MAP7: variants seen among roughly 807,000 people sequenced by gnomAD.
MAP7 encodes the protein ensconsin.
A neutral mutation model predicts 94.8 loss-of-function variants in MAP7; 52 were observed. That is an observed-to-expected ratio of 0.55 (90% CI 0.44 to 0.69). The LOEUF (loss-of-function observed/expected upper bound fraction) is 0.69. Among genes scored for constraint, MAP7 ranks in the 30% least tolerant of loss-of-function variants. MAP7 has a pLI of 0.00. For missense variants in MAP7, 940 were observed against 964.6 expected (o/e 0.97, Z 0.34); for synonymous variants, 350 against 357.0 (o/e 0.98, Z 0.22).
chr6:136,437,171 G>T (rs1181915689), intron 1 of MAP7, among the ~76,000 whole-genome samples: 1 of 152,176 alleles, frequency 6.6e-6, no homozygotes. Context: ...TGAAGCAGGC[G>T]TGAAGGTGGC....
intron 9 of MAP7, 96 bp from the exon 10 acceptor site, chr6:136,366,114 T>A: frequency 7.7e-7 from 1 of 1,301,872 alleles, no homozygotes; most frequent in Non-Finnish European, 1.0e-6. Context: ...ATGCAGATAT[T>A]TAGCTCCGTG....
chr6:136,414,808 ATTTTTTTTT>A lies in MAP7; in HGVS notation c.167-3120_167-3112del, dbSNP rs550449278. On this transcript the variant is annotated intron_variant, in intron 2 of 17. Transcript: ENST00000354570. Reference sequence around the variant, plus strand: ...AGGTGTGCACAACCACAATCAGCTAATTTTTTTTTTTTTTTTTTTTGAGACAGAGTTTCC... The same window carrying A: ...AGGTGTGCACAACCACAATCAGCTAATTTTTTTTTTTGAGACAGAGTTTCC... Among the ~76,000 whole-genome samples the A allele has an allele frequency of 1.7e-4, 21 of 123,268 alleles. No homozygotes were observed. In the East Asian group the frequency reaches 2.3e-3, roughly 13 times the overall value. The allele number at this position is 123,268 out of a possible 152,430, so 80.9% of individuals were successfully genotyped here. A position where few individuals can be genotyped will look rare whatever the true frequency, so the allele number is the denominator to read the frequency against.
At chr6:136,474,036 T>C (rs1023782970) in intron 1 of MAP7, among the ~76,000 whole-genome samples, 9 of 152,038 alleles carry the variant, frequency 5.9e-5, no homozygotes, top group Non-Finnish European at 1.3e-4. Context: ...GAAGTAGCAG[T>C]ACAGGTTAAG....
At chr6:136,490,070 A>G (rs1816092069) in intron 1 of MAP7, among the ~76,000 whole-genome samples, 1 of 152,234 alleles carries the variant, frequency 6.6e-6, no homozygotes, top group African/African-American at 2.4e-5. Flanking sequence ...ATGAAAAGTC[A>G]CAATGAAATG....
chr6:136,474,325 T>C (rs1012659243), intron 1 of MAP7, among the ~76,000 whole-genome samples: 4 of 152,138 alleles, frequency 2.6e-5, no homozygotes, highest in African/African-American at 7.2e-5. Flanking sequence ...CTGGTTGCTG[T>C]GTAGAGACTG....
intron 2 of MAP7, among the ~76,000 whole-genome samples, chr6:136,415,876 T>A (rs551059846): frequency 2.6e-5 from 4 of 152,352 alleles, no homozygotes; most frequent in Admixed American, 1.3e-4. Context: ...TAAAGAAATG[T>A]AACATTTTTG....
rs1777040110 is a variant in MAP7, at chr6:136,379,150, T to A, written c.638-1282A>T. Among the ~76,000 whole-genome samples the A allele has an allele frequency of 2.0e-5, 3 of 152,218 alleles. No homozygotes were observed. The South Asian group carries it at 6.2e-4, about 31-fold the overall frequency. On this transcript the variant is annotated intron_variant, in intron 6 of 17. Transcript: ENST00000354570. ...TATAACTATCTTAAATATATCATAT[T>A]TTAAGTGAATGGCATTTAAATGCTA... is the stretch of plus-strand genomic sequence containing the variant.
At chr6:136,470,256 G>A (rs1414434761) in intron 1 of MAP7, among the ~76,000 whole-genome samples, 1 of 151,784 alleles carries the variant, frequency 6.6e-6, no homozygotes, top group African/African-American at 2.4e-5. Context: ...CGGGAACTCT[G>A]AAGTTGCAGC....
At chr6:136,415,120 A>C (rs1357599147) in intron 2 of MAP7, among the ~76,000 whole-genome samples, 2 of 151,812 alleles carry the variant, frequency 1.3e-5, no homozygotes, top group Admixed American at 6.6e-5. Flanking sequence ...TAATTAAAAA[A>C]ATTTTTTTTG....
At chr6:136,454,614 A>G (rs1216166619) in intron 1 of MAP7, among the ~76,000 whole-genome samples, 1 of 151,570 alleles carries the variant, frequency 6.6e-6, no homozygotes, top group Non-Finnish European at 1.5e-5. Context: ...TGTCTTTTAA[A>G]TAGCAAACAG....
In MAP7 at chr6:136,518,022, A is replaced by T. The variant is rs965904517; in HGVS notation, c.67+32320T>A. 2.6e-5 allele frequency among the ~76,000 whole-genome samples: 4 copies of T among 152,270 alleles called. No individual in the cohort carries two copies. In the South Asian group the frequency reaches 6.2e-4, roughly 24 times the overall value. On this transcript the variant is annotated intron_variant, in intron 1 of 17. Transcript: ENST00000354570. ...CTCTTCCCTCCTGCCCAACTCCAAG[A>T]CACCTCTTGGTCATGCACTCAGCTG...
At chr6:136,419,743 C>T (rs1790660091) in intron 2 of MAP7, 2 of 203,792 alleles carry the variant, frequency 9.8e-6, no homozygotes, top group Non-Finnish European at 2.0e-5. Context: ...TGCCTTTTCC[C>T]TTTCCTTCAT....
chr6:136,352,188 G>A (rs916024930), intron 16 of MAP7, among the ~76,000 whole-genome samples: 35 of 104,938 alleles, frequency 3.3e-4, no homozygotes, highest in Admixed American at 2.8e-3. Flanking sequence ...TCTGCTATTC[G>A]TATTTTTTTT....
intron 1 of MAP7, among the ~76,000 whole-genome samples, chr6:136,523,976 C>T (rs933162413): frequency 2.6e-5 from 4 of 152,120 alleles, no homozygotes; most frequent in Admixed American, 2.6e-4. Flanking sequence ...CGCAGTGACT[C>T]ACGTCTGTAA....
chr6:136,534,291 A>G (rs913012361), intron 1 of MAP7, among the ~76,000 whole-genome samples: 1 of 152,238 alleles, frequency 6.6e-6, no homozygotes, highest in Non-Finnish European at 1.5e-5. Context: ...AAACTCAAGC[A>G]GGATTTCCAT....
chr6:136,523,093 A>T (rs769461016), intron 1 of MAP7, among the ~76,000 whole-genome samples: 2 of 152,214 alleles, frequency 1.3e-5, no homozygotes, highest in Non-Finnish European at 2.9e-5. Context: ...TAAAAGGTGC[A>T]ACAAATGATA....
chr6:136,361,569 C>T (rs1010353484), intron 11 of MAP7, among the ~76,000 whole-genome samples: 3 of 152,212 alleles, frequency 2.0e-5, no homozygotes, highest in African/African-American at 7.2e-5. Context: ...TGTTCTGTCA[C>T]AGGACAGGAG....
At chr6:136,490,315 G>A (rs1449522501) in intron 1 of MAP7, among the ~76,000 whole-genome samples, 1 of 152,096 alleles carries the variant, frequency 6.6e-6, no homozygotes, top group African/African-American at 2.4e-5. Context: ...CCAAGGAAAA[G>A]CCACTTCCAT....
chr6:136,457,243 T>C (rs1283982324), intron 1 of MAP7, among the ~76,000 whole-genome samples: 1 of 150,580 alleles, frequency 6.6e-6, no homozygotes, highest in Admixed American at 6.6e-5. Flanking sequence ...CCTACTAACA[T>C]TGAATCATGA....
Sources: allele counts gnomAD v4.1 joint callset (sites outside exome capture counted in the v4.1 genomes callset), GRCh38; gene constraint gnomAD v4.1.1; transcripts MANE v1.5; gene names NCBI Gene and HGNC (gene_info 2026-07-23, HGNC 2026-07-21).